The following FER variants were observed in gnomAD, a reference collection of about 807,000 sequenced individuals.
FER encodes tyrosine-protein kinase Fer.
A neutral mutation model predicts 111.0 loss-of-function variants in FER; 63 were observed. The ratio of observed to expected loss-of-function variants is 0.57; its 90% CI spans 0.46 to 0.70. FER has a LOEUF of 0.70. FER is among the 30% of genes least tolerant of loss of function. The pLI is 0.00. For missense variants in FER, 914 were observed against 954.0 expected (o/e 0.96, Z 0.55); for synonymous variants, 327 against 313.9 (o/e 1.04, Z -0.44).
chr5:109,046,949 G>A (rs1425633294), intron 15 of FER, among the ~76,000 whole-genome samples, 155 bp from the exon 16 acceptor site: 1 of 152,070 alleles, frequency 6.6e-6, no homozygotes, highest in Non-Finnish European at 1.5e-5. Context: ...TTACTCGTTT[G>A]TATACATCCA....
Position 109,187,489 on chromosome 5 carries a change from A to C in FER, c.2383A>C (p.Lys795Gln), listed in dbSNP as rs149517787. 5.2e-5 allele frequency: 84 copies of C among 1,614,130 alleles called. No homozygotes were observed. In the Admixed American group the frequency reaches 1.1e-3, roughly 21 times the overall value. Residue 795 changes from lysine to glutamine, a missense_variant, in exon 20 of 20, where the codon AAG becomes CAG. Transcript: ENST00000281092. ...AGAGGATATTTCCAAAATCATGATG[A>C]AGTGTTGGGATTATAAACCTGAAAA... ...CPEDISKIMM[K>Q]CWDYKPENRP...
intron 13 of FER, among the ~76,000 whole-genome samples, chr5:108,992,526 G>T (rs553604300): frequency 7.2e-6 from 1 of 139,840 alleles, no homozygotes; most frequent in Non-Finnish European, 1.6e-5. Context: ...CCTCCCTCCC[G>T]GACGGGGCAG....
chr5:108,924,772 G>C (rs1321736791), intron 10 of FER: 32 of 1,231,888 alleles, frequency 2.6e-5, no homozygotes, highest in Non-Finnish European at 3.2e-5. Context: ...TTCCACATCA[G>C]AAGTCCACAG....
intron 9 of FER, among the ~76,000 whole-genome samples, chr5:108,896,905 A>G (rs988853920): frequency 1.3e-5 from 2 of 152,144 alleles, no homozygotes; most frequent in African/African-American, 4.8e-5. Flanking sequence ...AAATTATTGT[A>G]ATATATAGTG....
intron 13 of FER, among the ~76,000 whole-genome samples, chr5:108,981,149 G>GT (rs565330528): frequency 1.3e-4 from 19 of 148,302 alleles, no homozygotes; most frequent in Admixed American, 2.0e-4. Context: ...AATCGCTGAA[G>GT]TTTTTTTTTT....
At chr5:108,764,968 G>A (rs151161894) in intron 1 of FER, among the ~76,000 whole-genome samples, 26 of 152,164 alleles carry the variant, frequency 1.7e-4, no homozygotes, top group African/African-American at 5.1e-4. Context: ...TAAATTTTGC[G>A]CCCCAGGTAT....
chr5:108,829,406 G>A (rs187949879), intron 3 of FER, among the ~76,000 whole-genome samples: 226 of 152,274 alleles, frequency 1.5e-3, no homozygotes, highest in Non-Finnish European at 2.5e-3. Context: ...GGGAGGCTGA[G>A]GTGGGAAGAT....
chr5:109,124,969 C>T (rs568278891), intron 17 of FER, among the ~76,000 whole-genome samples: 15 of 150,038 alleles, frequency 1.0e-4, no homozygotes, highest in South Asian at 8.4e-4. Flanking sequence ...TGGCGTGAAC[C>T]CAGGAGGCAG....
chr5:109,088,257 T>C (rs1248209624), intron 16 of FER, among the ~76,000 whole-genome samples: 1 of 152,072 alleles, frequency 6.6e-6, no homozygotes, highest in Non-Finnish European at 1.5e-5. Flanking sequence ...ACTTAACAGT[T>C]ATATCTCCTA....
chr5:108,825,143 C>T (rs115155921), intron 3 of FER, among the ~76,000 whole-genome samples: 3,411 of 152,222 alleles, frequency 0.022, 56 homozygotes, highest in Middle Eastern at 0.058. Flanking sequence ...TGGGCACCAC[C>T]GTCATTGATA....
intron 5 of FER, among the ~76,000 whole-genome samples, chr5:108,845,430 G>A (rs1212236484): frequency 6.6e-6 from 1 of 151,774 alleles, no homozygotes; most frequent in Non-Finnish European, 1.5e-5. Flanking sequence ...TGATATGCCT[G>A]CTCGGCCTCC....
chr5:109,146,267 TA>T lies in FER; in HGVS notation c.2049-34479del, dbSNP rs369435883. 3.0e-4 allele frequency among the ~76,000 whole-genome samples: 24 copies of T among 79,130 alleles called. 1 individual carries two copies. The highest frequency in any genetic ancestry group is 4.7e-4 in the Non-Finnish European group (18 of 38,470). 51.9% of individuals were successfully genotyped at this position (79,130 alleles called of 152,430 possible). On this transcript the variant is annotated intron_variant, in intron 17 of 19. Transcript: ENST00000281092. ...ATAATCTATCTAATATATATATATATATATATATATATATATATATATATCT... is the reference window on the plus strand; with the variant it reads ...ATAATCTATCTAATATATATATATATTATATATATATATATATATATATCT...
At chr5:109,013,858 T>G (rs555766996) in intron 13 of FER, among the ~76,000 whole-genome samples, 1 of 151,420 alleles carries the variant, frequency 6.6e-6, no homozygotes, top group African/African-American at 2.4e-5. Context: ...TTTCATGTGT[T>G]TTTTGGCTGC....
At chr5:108,931,273 G>A (rs982356102) in intron 10 of FER, among the ~76,000 whole-genome samples, 1 of 151,970 alleles carries the variant, frequency 6.6e-6, no homozygotes, top group Non-Finnish European at 1.5e-5. Flanking sequence ...CTTTTATGTA[G>A]CCCTTAAAAC....
intron 5 of FER, among the ~76,000 whole-genome samples, chr5:108,844,126 A>G (rs904766504): frequency 3.6e-4 from 54 of 151,068 alleles, no homozygotes; most frequent in African/African-American, 9.7e-4. Flanking sequence ...GAACACATAT[A>G]TGTGTGTGAA....
intron 17 of FER, among the ~76,000 whole-genome samples, chr5:109,157,515 TG>T (rs1370139991): frequency 6.7e-6 from 1 of 149,318 alleles, no homozygotes; most frequent in Non-Finnish European, 1.5e-5. Flanking sequence ...CGATGAGTTC[TG>T]TTTTTTTTTT....
chr5:108,907,377 C>T (rs1256294824), intron 10 of FER, among the ~76,000 whole-genome samples: 2 of 151,956 alleles, frequency 1.3e-5, no homozygotes, highest in African/African-American at 4.8e-5. Flanking sequence ...TCACTGAAAC[C>T]TCTGCCTCCT....
chr5:108,941,678 A>G (rs958870398), intron 10 of FER, among the ~76,000 whole-genome samples: 31 of 152,174 alleles, frequency 2.0e-4, no homozygotes, highest in African/African-American at 7.2e-4. Flanking sequence ...CAAATTACAC[A>G]GTTGTTTACT....
intron 13 of FER, among the ~76,000 whole-genome samples, chr5:109,015,413 G>A (rs73778394): frequency 0.19 from 28,268 of 151,596 alleles, 2,772 homozygotes; most frequent in Non-Finnish European, 0.22. Flanking sequence ...TTTTTTTTAA[G>A]TAGTAGTTGG....
Sources: allele counts gnomAD v4.1 joint callset (sites outside exome capture counted in the v4.1 genomes callset), GRCh38; gene constraint gnomAD v4.1.1; transcripts MANE v1.5; gene names NCBI Gene and HGNC (gene_info 2026-07-23, HGNC 2026-07-21).